Variants in CACNG3 observed in about 807,000 individuals in gnomAD.
CACNG3 encodes the protein voltage-dependent calcium channel gamma-3 subunit.
In CACNG3, 3 loss-of-function variants were observed where a neutral mutation model predicts 28.5. The observed-to-expected ratio is 0.11, with a 90% CI of 0.05 to 0.27. CACNG3 has a LOEUF of 0.27. Ranked by LOEUF, CACNG3 falls within the 10% of genes least tolerant of loss-of-function variation. The pLI is 1.00. For synonymous variants in CACNG3, 174 were observed against 162.2 expected (o/e 1.07, Z -0.55); for missense variants, 236 against 414.4 (o/e 0.57, Z 3.74).
Position 24,288,649 on chromosome 16 carries a change from T to A in CACNG3, c.211+31684T>A, listed in dbSNP as rs148742154. ...AATAGTTTCATGGCAAGATTCTGCA[T>A]CCTGTCTCATGGCCACACATACTGT... On this transcript the variant is annotated intron_variant, in intron 1 of 3. Coordinates refer to ENST00000005284, the MANE Select transcript of CACNG3 (RefSeq NM_006539.4). 2.9e-3 allele frequency among the ~76,000 whole-genome samples: 438 copies of A among 152,338 alleles called. 2 individuals are homozygous for A. Among genetic ancestry groups the A allele is most frequent in the Non-Finnish European group, 4.7e-3 (322 of 68,022 alleles).
chr16:24,346,700 C>A, intron 1 of CACNG3, 34 bp from the exon 2 acceptor site: 5 of 1,534,900 alleles, frequency 3.3e-6, no homozygotes, highest in Non-Finnish European at 3.6e-6. Context: ...TCTGTCTCCT[C>A]CCCCAGGCTC....
intron 1 of CACNG3, among the ~76,000 whole-genome samples, chr16:24,303,257 C>T (rs1485180841): frequency 6.6e-6 from 1 of 152,178 alleles, no homozygotes; most frequent in Non-Finnish European, 1.5e-5. Flanking sequence ...ATCTAGGAAA[C>T]TCTTGGGTCC....
intron 1 of CACNG3, among the ~76,000 whole-genome samples, chr16:24,289,322 A>G (rs533671031): frequency 6.6e-6 from 1 of 152,172 alleles, no homozygotes; most frequent in Non-Finnish European, 1.5e-5. Flanking sequence ...AAAAAGAAAA[A>G]GAAAAAAAAT....
At chr16:24,319,674 G>T (rs1372334952) in intron 1 of CACNG3, among the ~76,000 whole-genome samples, 2 of 151,804 alleles carry the variant, frequency 1.3e-5, no homozygotes, top group African/African-American at 4.8e-5. Context: ...GGCTGGTCTT[G>T]TACTCTTGGC....
Position 24,335,421 on chromosome 16 carries a change from AATACATAC to A in CACNG3, c.212-11293_212-11286del, listed in dbSNP as rs112226778. Among the ~76,000 whole-genome samples, 72 of 152,186 alleles carry A rather than the reference AATACATAC, an allele frequency of 4.7e-4. 1 individual carries two copies. The highest frequency in any genetic ancestry group is 1.4e-3 in the African/African-American group (58 of 41,536). ...GATAACAGAGCAAGACTCCATCTCA[AATACATAC>A]ATACATACATACATACATAAAATAA... On this transcript the variant is annotated intron_variant, in intron 1 of 3. Coordinates refer to ENST00000005284, the MANE Select transcript of CACNG3 (RefSeq NM_006539.4).
chr16:24,349,875 C>T (rs1325231184), intron 2 of CACNG3, among the ~76,000 whole-genome samples: 2 of 152,180 alleles, frequency 1.3e-5, no homozygotes, highest in African/African-American at 4.8e-5. Flanking sequence ...TTTCCAACGC[C>T]TCTGACAGCA....
chr16:24,347,522 A>G (rs1596651142), intron 2 of CACNG3, among the ~76,000 whole-genome samples: 2 of 152,214 alleles, frequency 1.3e-5, no homozygotes, highest in East Asian at 3.8e-4. Context: ...AGGAGGGTTG[A>G]TTGGAGGTGC....
chr16:24,312,949 AAGAAAG>A (rs758133595), intron 1 of CACNG3, among the ~76,000 whole-genome samples: 1,564 of 95,144 alleles, frequency 0.016, 15 homozygotes, highest in African/African-American at 0.029. Context: ...GAAAGAAAGA[AAGAAAG>A]AGAAAGAAAG....
intron 1 of CACNG3, among the ~76,000 whole-genome samples, chr16:24,346,032 C>T (rs1899860923): frequency 6.6e-6 from 1 of 152,208 alleles, no homozygotes; most frequent in Admixed American, 6.5e-5. Context: ...AGCCCTGTTT[C>T]CTCATTGGTA....
At chr16:24,354,744 C>A in intron 2 of CACNG3, 89 bp from the exon 3 acceptor site, 2 of 1,330,884 alleles carry the variant, frequency 1.5e-6, no homozygotes, top group Non-Finnish European at 2.1e-6. Flanking sequence ...TCCTGTGCTG[C>A]CTTCCTCTCA....
rs188403558 is a variant in CACNG3, at chr16:24,278,663, G to T, written c.211+21698G>T. On this transcript the variant is annotated intron_variant, in intron 1 of 3. Transcript: ENST00000005284. ...AAATAAAATCTAACACTGTTTGAGA[G>T]TTTATGTGCCAGCTTCTATGCTAAA... Among the ~76,000 whole-genome samples, 715 of 152,234 alleles carry T rather than the reference G, an allele frequency of 4.7e-3. 15 individuals are homozygous for T. The highest frequency in any genetic ancestry group is 4.0e-3 in the Admixed American group (61 of 15,288).
rs527499302 is a variant in CACNG3, at chr16:24,273,865, A to G, written c.211+16900A>G. On this transcript the variant is annotated intron_variant, in intron 1 of 3. Transcript: ENST00000005284. ...AGGAGTTTTTTTAACAGATCATTTA[A>G]GAGCAAAATTGGGCTTTTTAAACAC... Among the ~76,000 whole-genome samples the G allele has an allele frequency of 5.9e-5, 9 of 152,302 alleles. 1 individual carries two copies. Among genetic ancestry groups the G allele is most frequent in the African/African-American group, 2.2e-4 (9 of 41,566 alleles).
intron 1 of CACNG3, among the ~76,000 whole-genome samples, chr16:24,328,047 C>T (rs368284028): frequency 6.6e-6 from 1 of 152,188 alleles, no homozygotes; most frequent in Non-Finnish European, 1.5e-5. Context: ...GTGCCAGGTC[C>T]TGGGAAGACA....
At chr16:24,354,670 CCTT>C (rs1363060526) in intron 2 of CACNG3, among the ~76,000 whole-genome samples, 160 bp from the exon 3 acceptor site, 1 of 152,242 alleles carries the variant, frequency 6.6e-6, no homozygotes. Flanking sequence ...TGCCAAGACT[CCTT>C]CTAAGCACAG....
At chr16:24,296,461 G>A (rs1426888328) in intron 1 of CACNG3, among the ~76,000 whole-genome samples, 1 of 152,164 alleles carries the variant, frequency 6.6e-6, no homozygotes, top group Non-Finnish European at 1.5e-5. Context: ...CTGCAAAGAA[G>A]CTGCTCACGG....
intron 1 of CACNG3, among the ~76,000 whole-genome samples, chr16:24,343,493 C>T (rs189658206): frequency 7.9e-5 from 12 of 152,292 alleles, no homozygotes; most frequent in East Asian, 3.9e-4. Flanking sequence ...TACCAACACC[C>T]TTCCCCTGCC....
intron 1 of CACNG3, among the ~76,000 whole-genome samples, chr16:24,306,333 A>G (rs1859197): frequency 0.048 from 7,249 of 152,272 alleles, 530 homozygotes; most frequent in African/African-American, 0.16. Context: ...ACCATACTGA[A>G]CAAGGTGAAA....
intron 1 of CACNG3, among the ~76,000 whole-genome samples, chr16:24,265,378 GAAAGA>G (rs1487768324): frequency 2.8e-5 from 4 of 142,140 alleles, no homozygotes; most frequent in African/African-American, 5.4e-5. Context: ...AAAAAAGAAA[GAAAGA>G]AAAGAAAGAA....
chr16:24,289,844 G>A (rs12930174), intron 1 of CACNG3, among the ~76,000 whole-genome samples: 107,110 of 152,180 alleles, frequency 0.7, 37,878 homozygotes, highest in East Asian at 0.82. Flanking sequence ...GTGAAGATCA[G>A]GCGAGTTCAT....
Sources: allele counts gnomAD v4.1 joint callset (sites outside exome capture counted in the v4.1 genomes callset), GRCh38; gene constraint gnomAD v4.1.1; transcripts MANE v1.5; gene names NCBI Gene and HGNC (gene_info 2026-07-23, HGNC 2026-07-21).